Variants in DPP6 observed in about 807,000 individuals in gnomAD.
DPP6 encodes the protein A-type potassium channel modulatory protein DPP6.
A neutral mutation model predicts 122.6 loss-of-function variants in DPP6; 69 were observed. The observed-to-expected ratio is 0.56, with a 90% CI of 0.46 to 0.69. The LOEUF (loss-of-function observed/expected upper bound fraction) is 0.69. Ranked by LOEUF, DPP6 falls within the 30% of genes least tolerant of loss-of-function variation. The pLI, the probability that DPP6 is intolerant of heterozygous loss-of-function variation, is 0.00. For synonymous variants in DPP6, 418 were observed against 433.1 expected, an observed-to-expected ratio of 0.97 and a Z score of 0.43; for missense variants, 928 against 1,116.9, an observed-to-expected ratio of 0.83 and a Z score of 2.41.
At chr7:153,973,195 G>C (rs1169500702) in intron 1 of DPP6, among the ~76,000 whole-genome samples, 1 of 152,016 alleles carries the variant, frequency 6.6e-6, no homozygotes, top group Non-Finnish European at 1.5e-5. Flanking sequence ...TCTCGTTGTT[G>C]GTATTTTATT....
At chr7:154,619,272 C>T (rs190305749) in intron 5 of DPP6, among the ~76,000 whole-genome samples, 3 of 152,290 alleles carry the variant, frequency 2.0e-5, no homozygotes, top group African/African-American at 7.2e-5. Flanking sequence ...CAAAGGGTAC[C>T]ATCTACCACC....
intron 1 of DPP6, among the ~76,000 whole-genome samples, chr7:154,235,669 C>G (rs1390232782): frequency 6.6e-6 from 1 of 152,112 alleles, no homozygotes; most frequent in Non-Finnish European, 1.5e-5. Context: ...GTTTGCTGTT[C>G]CAAAAGCTAG....
At chr7:153,782,164 T>A in the DPP6 span, among the ~76,000 whole-genome samples, 1 of 151,964 alleles carries the variant, frequency 6.6e-6, no homozygotes, top group African/African-American at 2.4e-5. Context: ...GGGGAGACCA[T>A]GATTCCTCTC....
At chr7:154,030,188 C>T (rs1799157449) in intron 1 of DPP6, among the ~76,000 whole-genome samples, 1 of 152,126 alleles carries the variant, frequency 6.6e-6, no homozygotes, top group South Asian at 2.1e-4. Context: ...AGAGCAAGAC[C>T]CTGTCTAAAA....
At chr7:153,926,725 G>T (rs1000675998) in intron 1 of DPP6, among the ~76,000 whole-genome samples, 1 of 151,328 alleles carries the variant, frequency 6.6e-6, no homozygotes, top group Non-Finnish European at 1.5e-5. Context: ...ATCACTTGCC[G>T]ATTAGAATTT....
At chr7:154,509,829 C>A (rs1215493160) in intron 3 of DPP6, among the ~76,000 whole-genome samples, 1 of 152,036 alleles carries the variant, frequency 6.6e-6, no homozygotes, top group African/African-American at 2.4e-5. Context: ...GTAAGACAGT[C>A]ACAAATGACT....
chr7:154,501,165 T>A (rs1418485261), intron 3 of DPP6, among the ~76,000 whole-genome samples: 1 of 152,094 alleles, frequency 6.6e-6, no homozygotes, highest in Non-Finnish European at 1.5e-5. Context: ...ATTCAAGAGG[T>A]GACCTGGGTG....
chr7:154,138,018 T>C (rs1370905202), intron 1 of DPP6, among the ~76,000 whole-genome samples: 2 of 152,168 alleles, frequency 1.3e-5, no homozygotes, highest in Non-Finnish European at 2.9e-5. Context: ...CCCTAGGGTG[T>C]TTCTGCAGAA....
intron 1 of DPP6, among the ~76,000 whole-genome samples, chr7:154,328,305 C>T (rs1313089513): frequency 1.3e-5 from 2 of 152,116 alleles, no homozygotes; most frequent in African/African-American, 4.8e-5. Context: ...ACAGGCATTC[C>T]AAGGCTCTTG....
intron 9 of DPP6, 101 bp from the exon 10 acceptor site, chr7:154,772,744 G>A (rs778703159): frequency 3.3e-6 from 5 of 1,499,712 alleles, no homozygotes; most frequent in Non-Finnish European, 4.5e-6. Flanking sequence ...CCAGTGTCCT[G>A]GAGTCCCACC....
intron 1 of DPP6, among the ~76,000 whole-genome samples, chr7:154,005,815 C>T (rs369699468): frequency 4.0e-5 from 6 of 151,880 alleles, no homozygotes; most frequent in African/African-American, 4.8e-5. Context: ...TCCGGTTGGA[C>T]GAGCTGCAAG....
At chr7:154,868,361 C>T (rs952527052) in intron 18 of DPP6, among the ~76,000 whole-genome samples, 3 of 152,216 alleles carry the variant, frequency 2.0e-5, no homozygotes, top group Non-Finnish European at 4.4e-5. Flanking sequence ...GACTCCAACG[C>T]TCTCCTTCTT....
chr7:153,825,290 A>C, the DPP6 span, among the ~76,000 whole-genome samples: 4 of 152,028 alleles, frequency 2.6e-5, no homozygotes, highest in African/African-American at 9.7e-5. Context: ...TTTAAGGAGG[A>C]CCACTTATGA....
chr7:154,214,219 G>T (rs1005740148), intron 1 of DPP6, among the ~76,000 whole-genome samples: 1 of 152,158 alleles, frequency 6.6e-6, no homozygotes, highest in Non-Finnish European at 1.5e-5. Flanking sequence ...AAGACCAAAG[G>T]CTCTCGAAAA....
In DPP6 at chr7:154,180,798, G is replaced by T. The variant is rs76263445; in HGVS notation, c.243+127735G>T. On this transcript the variant is annotated intron_variant, in intron 1 of 25. Transcript: ENST00000377770. ...TATTTTCAGTGATTAACAGTTTCTT[G>T]TGATGCAAGTTTTCTCCACAGTTTG... is the stretch of plus-strand genomic sequence containing the variant. Among the ~76,000 whole-genome samples, 186 of 152,192 alleles carry T rather than the reference G, an allele frequency of 1.2e-3. 1 individual carries two copies. Among genetic ancestry groups the T allele is most frequent in the Non-Finnish European group, 2.5e-3 (167 of 68,012 alleles).
intron 1 of DPP6, among the ~76,000 whole-genome samples, chr7:154,394,026 A>G (rs1328725391): frequency 6.6e-6 from 1 of 152,144 alleles, no homozygotes; most frequent in East Asian, 1.9e-4. Flanking sequence ...TGTATGTTAC[A>G]TTTTGCTCAT....
rs188351052 is a variant in DPP6 at position 154,382,848 on chromosome 7, C to T, written c.244-63366C>T. Among the ~76,000 whole-genome samples, 23 of 152,326 alleles carry T rather than the reference C, an allele frequency of 1.5e-4. No homozygotes were observed. The East Asian group carries it at 4.1e-3, about 27-fold the overall frequency. On this transcript the variant is annotated intron_variant, in intron 1 of 25. Transcript: ENST00000377770. ...TCAAGCGATTCTCCTGCCTCAGCCTCCCAAGTAGCTGGGTTTACAGGCACG... is the reference window on the plus strand; with the variant it reads ...TCAAGCGATTCTCCTGCCTCAGCCTTCCAAGTAGCTGGGTTTACAGGCACG...
chr7:154,023,072 C>A (rs1798782262), intron 1 of DPP6, among the ~76,000 whole-genome samples: 1 of 152,010 alleles, frequency 6.6e-6, no homozygotes, highest in African/African-American at 2.4e-5. Context: ...CTGGATCCAT[C>A]ATGCTATATT....
At chr7:154,457,836 G>C (rs1219117352) in intron 2 of DPP6, among the ~76,000 whole-genome samples, 1 of 21,900 alleles carries the variant, frequency 4.6e-5, no homozygotes, top group Non-Finnish European at 8.8e-5. Flanking sequence ...GTCGGGGGAG[G>C]GGGGAGGGAT....
Sources: gnomAD v4.1 joint callset for allele counts (sites outside exome capture counted in the v4.1 genomes callset) on GRCh38, gnomAD v4.1.1 for gene constraint, MANE v1.5 for transcripts, NCBI Gene and HGNC (gene_info 2026-07-23, HGNC 2026-07-21) for gene names.